NRP1: variants seen among roughly 807,000 people sequenced by gnomAD.
NRP1 encodes neuropilin 1.
Under a neutral mutation model 106.7 loss-of-function variants are expected in NRP1, and 35 were observed. That is an observed-to-expected ratio of 0.33 (90% CI 0.25 to 0.43). The LOEUF is 0.43. Ranked by LOEUF, NRP1 falls within the 20% of genes least tolerant of loss-of-function variation. NRP1 has a pLI of 1.00. For synonymous variants in NRP1, 437 were observed against 417.9 expected, an observed-to-expected ratio of 1.05 and a Z score of -0.56; for missense variants, 1,024 against 1,170.4, an observed-to-expected ratio of 0.87 and a Z score of 1.83.
chr10:33,196,089 C>T (rs1836763416), intron 12 of NRP1, among the ~76,000 whole-genome samples: 1 of 152,092 alleles, frequency 6.6e-6, no homozygotes, highest in South Asian at 2.1e-4. Context: ...ACAATATTGA[C>T]CTTCAACATT....
chr10:33,187,567 G>T (rs560186271), intron 13 of NRP1, among the ~76,000 whole-genome samples: 87 of 152,256 alleles, frequency 5.7e-4, no homozygotes, highest in Admixed American at 4.1e-3. Context: ...GACACTTGCT[G>T]AACTGCGAGG....
chr10:33,272,286 C>T (rs1337480251), intron 2 of NRP1, among the ~76,000 whole-genome samples: 1 of 152,184 alleles, frequency 6.6e-6, no homozygotes, highest in Non-Finnish European at 1.5e-5. Flanking sequence ...GAAAATAAAG[C>T]TGACATTGAT....
intron 2 of NRP1, among the ~76,000 whole-genome samples, chr10:33,310,883 G>GT (rs1456378432): frequency 1.3e-5 from 2 of 152,126 alleles, no homozygotes; most frequent in Non-Finnish European, 2.9e-5. Context: ...ACGACCTACA[G>GT]TTTCTATTTA....
intron 6 of NRP1, among the ~76,000 whole-genome samples, chr10:33,244,862 T>A (rs1279590822): frequency 6.6e-6 from 1 of 152,234 alleles, no homozygotes; most frequent in Non-Finnish European, 1.5e-5. Context: ...TTTGCCTAAA[T>A]CTTGTCAATG....
chr10:33,330,147 C>T (rs996985999), intron 2 of NRP1, among the ~76,000 whole-genome samples: 5 of 152,178 alleles, frequency 3.3e-5, no homozygotes, highest in African/African-American at 9.7e-5. Flanking sequence ...CAGTAATCCA[C>T]CATTTACAAA....
chr10:33,229,071 C>T (rs1429840641), intron 6 of NRP1, among the ~76,000 whole-genome samples: 1 of 152,152 alleles, frequency 6.6e-6, no homozygotes, highest in African/African-American at 2.4e-5. Context: ...AAGTACAAAA[C>T]ATCAGTTAAA....
intron 3 of NRP1, among the ~76,000 whole-genome samples, chr10:33,266,124 C>T (rs1000016611): frequency 2.6e-5 from 4 of 152,054 alleles, no homozygotes; most frequent in Non-Finnish European, 4.4e-5. Context: ...ATATTTTCTC[C>T]TTCTTAAAAA....
intron 2 of NRP1, among the ~76,000 whole-genome samples, chr10:33,327,161 G>A (rs1235612364): frequency 2.0e-5 from 3 of 152,076 alleles, no homozygotes; most frequent in African/African-American, 7.2e-5. Flanking sequence ...AATGCAGGGT[G>A]TATCATGTGC....
At chr10:33,186,629 C>T in intron 13 of NRP1, 141 bp from the exon 14 acceptor site, 2 of 984,862 alleles carry the variant, frequency 2.0e-6, no homozygotes, top group Admixed American at 2.7e-5. Context: ...GATAAGTGTG[C>T]ACACTTGGGG....
Position 33,185,620 on chromosome 10 carries a change from A to G in NRP1, c.2431+8T>C. 6.2e-7 allele frequency: 1 copy of G among 1,600,668 alleles called. No individual in the cohort carries two copies. The highest frequency in any genetic ancestry group is 8.6e-7 in the Non-Finnish European group (1 of 1,167,830). On this transcript the variant is annotated splice_region_variant and intron_variant, in intron 15 of 16. Transcript: ENST00000374867. ...ACTCCATTGGTTTCTACAGCAGCTC[A>G]TACTTACTTGCACAATCTTCTTGTG...
intron 2 of NRP1, among the ~76,000 whole-genome samples, chr10:33,274,503 A>C (rs1050887607): frequency 9.2e-5 from 14 of 152,176 alleles, no homozygotes; most frequent in East Asian, 1.9e-4. Context: ...GAAGGTGAGA[A>C]ATGTATTCAG....
chr10:33,249,495 T>C, intron 6 of NRP1: 2 of 531,240 alleles, frequency 3.8e-6, no homozygotes, highest in Non-Finnish European at 7.7e-6. Flanking sequence ...AATGATGTGC[T>C]TGAAGAGGAA....
intron 4 of NRP1, among the ~76,000 whole-genome samples, chr10:33,260,227 C>T (rs996876744): frequency 5.9e-5 from 9 of 152,080 alleles, no homozygotes; most frequent in South Asian, 2.1e-4. Context: ...TCATTTCAAA[C>T]GTACAAAATA....
intron 2 of NRP1, among the ~76,000 whole-genome samples, chr10:33,287,351 T>C (rs1844642788): frequency 6.6e-6 from 1 of 152,218 alleles, no homozygotes; most frequent in South Asian, 2.1e-4. Context: ...TCCATACAAA[T>C]GGTAGAAGAC....
At chr10:33,238,858 C>T (rs148227281) in intron 6 of NRP1, among the ~76,000 whole-genome samples, 2 of 151,768 alleles carry the variant, frequency 1.3e-5, no homozygotes, top group East Asian at 3.9e-4. Flanking sequence ...GAGAATGTGA[C>T]CTAATATTTT....
At chr10:33,249,216 A>G (rs751118225) in intron 6 of NRP1, among the ~76,000 whole-genome samples, 2 of 151,536 alleles carry the variant, frequency 1.3e-5, no homozygotes, top group African/African-American at 2.4e-5. Context: ...TGTGGTGAAC[A>G]CTATCATTAA....
Position 33,330,823 on chromosome 10 carries a change from G to A in NRP1, c.133C>T (p.Pro45Ser), listed in dbSNP as rs1479432602. Residue 45 changes from proline to serine, a missense_variant, in exon 2 of 17, where the codon CCT (proline) becomes TCT (serine). Pro to Ser is a moderately conservative substitution (Grantham distance 74). Coordinates refer to ENST00000374867, the MANE Select transcript of NRP1 (RefSeq NM_003873.7). ...TTTTCACTTGGGTGATAAGAATGAG[G>A]ATAACCAGGAGATGTAAGGTACCCG... ...SPGYLTSPGY[P>S]HSYHPSEKCE... 1 of 1,613,408 alleles carries A rather than the reference G, an allele frequency of 6.2e-7. No homozygotes were observed. Among genetic ancestry groups the A allele is most frequent in the Non-Finnish European group, 8.5e-7 (1 of 1,179,610 alleles).
At chr10:33,334,226 G>C in intron 1 of NRP1, 84 bp downstream of exon 1, 1 of 1,283,954 alleles carries the variant, frequency 7.8e-7, no homozygotes, top group Non-Finnish European at 1.1e-6. Context: ...GCTGATCCCG[G>C]GAAGCCCCGC....
At chr10:33,290,661 T>C (rs1166617369) in intron 2 of NRP1, among the ~76,000 whole-genome samples, 2 of 152,218 alleles carry the variant, frequency 1.3e-5, no homozygotes, top group African/African-American at 2.4e-5. Flanking sequence ...AGTCAATCCT[T>C]GTTTAAAAAC....
Sources: allele counts gnomAD v4.1 joint callset (sites outside exome capture counted in the v4.1 genomes callset), GRCh38; gene constraint gnomAD v4.1.1; transcripts MANE v1.5; gene names NCBI Gene and HGNC (gene_info 2026-07-23, HGNC 2026-07-21).